PRKD1: variants seen among roughly 807,000 people sequenced by gnomAD.
PRKD1 encodes the protein serine/threonine-protein kinase D1.
A neutral mutation model predicts 95.9 loss-of-function variants in PRKD1; 63 were observed. The ratio of observed to expected loss-of-function variants is 0.66; its 90% confidence interval spans 0.54 to 0.81. PRKD1 has a LOEUF of 0.81. PRKD1 is among the 30% of genes least tolerant of loss of function. The pLI is 0.00. For synonymous variants in PRKD1, 425 were observed against 423.1 expected, an observed-to-expected ratio of 1.00 and a Z score of -0.05; for missense variants, 1,048 against 1,165.3, an observed-to-expected ratio of 0.90 and a Z score of 1.47.
chr14:29,669,581 A>C (rs1387328908), intron 2 of PRKD1, among the ~76,000 whole-genome samples: 1 of 152,222 alleles, frequency 6.6e-6, no homozygotes, highest in Non-Finnish European at 1.5e-5. Context: ...AAACAAAACA[A>C]TATTGGCTGG....
intron 1 of PRKD1, among the ~76,000 whole-genome samples, chr14:29,827,593 T>C (rs536101738): frequency 2.3e-4 from 35 of 152,294 alleles, no homozygotes; most frequent in South Asian, 8.3e-4. Context: ...TCGAAGGCTC[T>C]TCCCCAGGCT....
intron 1 of PRKD1, among the ~76,000 whole-genome samples, chr14:29,850,605 C>A (rs1892271793): frequency 6.6e-6 from 1 of 151,884 alleles, no homozygotes; most frequent in Admixed American, 6.6e-5. Flanking sequence ...AAAAACACTC[C>A]TGCTCATGGA....
At chr14:29,735,160 C>T (rs574198209) in intron 1 of PRKD1, among the ~76,000 whole-genome samples, 62 of 152,110 alleles carry the variant, frequency 4.1e-4, no homozygotes, top group African/African-American at 1.4e-3. Flanking sequence ...AATATTTTGA[C>T]TATTTAATTC....
intron 13 of PRKD1, among the ~76,000 whole-genome samples, chr14:29,606,525 T>C (rs76982243): frequency 0.065 from 9,903 of 152,228 alleles, 1,073 homozygotes; most frequent in African/African-American, 0.22. Context: ...GATTTTCCTA[T>C]GCTCTAGGAG....
chr14:29,603,509 G>GA (rs1893598780), intron 13 of PRKD1, among the ~76,000 whole-genome samples: 1 of 152,030 alleles, frequency 6.6e-6, no homozygotes, highest in Non-Finnish European at 1.5e-5. Context: ...CTGGAAATAA[G>GA]AAAAAAGTTC....
chr14:29,740,898 T>C (rs1566573425), intron 1 of PRKD1, among the ~76,000 whole-genome samples: 1 of 152,180 alleles, frequency 6.6e-6, no homozygotes, highest in East Asian at 1.9e-4. Context: ...ATGTGGTACA[T>C]ATACACCACA....
intron 1 of PRKD1, among the ~76,000 whole-genome samples, chr14:29,873,414 T>C (rs1271381794): frequency 6.6e-6 from 1 of 152,092 alleles, no homozygotes; most frequent in African/African-American, 2.4e-5. Context: ...TCAGGCACTC[T>C]CTCAAGGACA....
At chr14:29,607,313 C>CTGTG (rs946735072) in intron 13 of PRKD1, among the ~76,000 whole-genome samples, 1 of 152,068 alleles carries the variant, frequency 6.6e-6, no homozygotes, top group African/African-American at 2.4e-5. Flanking sequence ...TTTCCCCTTA[C>CTGTG]TGTGTGTGTG....
intron 2 of PRKD1, among the ~76,000 whole-genome samples, chr14:29,719,164 T>C (rs756489468): frequency 2.6e-5 from 4 of 152,170 alleles, no homozygotes; most frequent in Non-Finnish European, 4.4e-5. Context: ...TAAGGATTTC[T>C]TAAATATAGT....
chr14:29,828,453 A>G (rs967562957), intron 1 of PRKD1, among the ~76,000 whole-genome samples: 1 of 152,054 alleles, frequency 6.6e-6, no homozygotes, highest in Admixed American at 6.6e-5. Flanking sequence ...GACACCTCCC[A>G]CTAGGCCCAC....
chr14:29,772,823 G>A (rs902382117), intron 1 of PRKD1, among the ~76,000 whole-genome samples: 2 of 152,116 alleles, frequency 1.3e-5, no homozygotes, highest in African/African-American at 2.4e-5. Flanking sequence ...TCTCCTATAT[G>A]TCTAACCTCA....
intron 1 of PRKD1, among the ~76,000 whole-genome samples, chr14:29,726,239 C>T (rs140425879): frequency 2.7e-3 from 413 of 152,264 alleles, no homozygotes; most frequent in Admixed American, 8.4e-3. Context: ...CCTTCTGCTG[C>T]TGCCCCTACT....
intron 2 of PRKD1, among the ~76,000 whole-genome samples, chr14:29,682,287 T>A (rs1376756160): frequency 2.0e-5 from 3 of 152,188 alleles, no homozygotes; most frequent in Non-Finnish European, 4.4e-5. Flanking sequence ...ACAGTGGGTA[T>A]ACTGAACTAT....
chr14:29,618,417 A>G (rs10150535), intron 13 of PRKD1, among the ~76,000 whole-genome samples: 79,727 of 151,810 alleles, frequency 0.53, 21,708 homozygotes, highest in East Asian at 0.68. Flanking sequence ...CACCACACCC[A>G]GCTAATTTTT....
intron 13 of PRKD1, among the ~76,000 whole-genome samples, chr14:29,619,977 C>T (rs1998353): frequency 0.52 from 78,746 of 150,502 alleles, 21,383 homozygotes; most frequent in East Asian, 0.68. Flanking sequence ...AAAACAGAGA[C>T]ATAGATCAAT....
In PRKD1 at chr14:29,744,607, C is replaced by T. The variant is rs566214729; in HGVS notation, c.265-18933G>A. Among the ~76,000 whole-genome samples, 11 of 152,200 alleles carry T rather than the reference C, an allele frequency of 7.2e-5. No individual in the cohort carries two copies. In the East Asian group the frequency reaches 9.7e-4, roughly 13 times the overall value. Reference sequence around the variant, plus strand: ...TTTTGCCCAGGCTGGGGTGCAATGGCGTGATCTCAGCTCACTGTAGCCTCT... The same window carrying T: ...TTTTGCCCAGGCTGGGGTGCAATGGTGTGATCTCAGCTCACTGTAGCCTCT... On this transcript the variant is annotated intron_variant, in intron 1 of 17. Transcript: ENST00000331968.
At chr14:29,893,464 T>G (rs545167562) in intron 1 of PRKD1, among the ~76,000 whole-genome samples, 1 of 152,210 alleles carries the variant, frequency 6.6e-6, no homozygotes, top group African/African-American at 2.4e-5. Flanking sequence ...CACTCACATA[T>G]TTGGGCCAAA....
intron 1 of PRKD1, among the ~76,000 whole-genome samples, chr14:29,765,870 T>C (rs745334502): frequency 1.6e-4 from 25 of 152,212 alleles, no homozygotes; most frequent in South Asian, 1.5e-3. Context: ...TTTTAAAGAA[T>C]AGGAAAGGAG....
At chr14:29,665,743 G>A (rs1039971825) in intron 3 of PRKD1, among the ~76,000 whole-genome samples, 1 of 151,856 alleles carries the variant, frequency 6.6e-6, no homozygotes, top group Non-Finnish European at 1.5e-5. Flanking sequence ...GTATATATGT[G>A]TGTATATGTA....
Sources: gnomAD v4.1 joint callset for allele counts (sites outside exome capture counted in the v4.1 genomes callset) on GRCh38, gnomAD v4.1.1 for gene constraint, MANE v1.5 for transcripts, NCBI Gene and HGNC (gene_info 2026-07-23, HGNC 2026-07-21) for gene names.